CLDN16: variants seen among roughly 807,000 people sequenced by gnomAD.
CLDN16 encodes claudin-16.
In CLDN16, 13 loss-of-function variants were observed where a neutral mutation model predicts 24.6. The observed-to-expected ratio is 0.53, with a 90% CI of 0.34 to 0.84. The LOEUF (loss-of-function observed/expected upper bound fraction) is 0.84. CLDN16 is among the 40% of genes least tolerant of loss of function. CLDN16 has a pLI of 0.01. For missense variants in CLDN16, 298 were observed against 292.7 expected, an observed-to-expected ratio of 1.02 and a Z score of -0.13; for synonymous variants, 116 against 106.7, an observed-to-expected ratio of 1.09 and a Z score of -0.54.
At chr3:190,405,765 C>T (rs1376728812) in intron 3 of CLDN16, among the ~76,000 whole-genome samples, 2 of 152,120 alleles carry the variant, frequency 1.3e-5, no homozygotes, top group Non-Finnish European at 2.9e-5. Flanking sequence ...GTTCTGAGGA[C>T]TGGTCAAGCA....
chr3:190,307,694 A>G, the CLDN16 span: 1 of 152,448 alleles, frequency 6.6e-6, no homozygotes, highest in African/African-American at 2.4e-5. Flanking sequence ...AAAAAATAAA[A>G]TAAGTATATG....
At chr3:190,307,129 T>C in the CLDN16 span, 1 of 152,656 alleles carries the variant, frequency 6.6e-6, no homozygotes, top group Non-Finnish European at 1.5e-5. Flanking sequence ...TATCATTATC[T>C]CAATTTGGCA....
chr3:190,325,194 G>C (rs1168802654), intron 1 of CLDN16, among the ~76,000 whole-genome samples: 1 of 152,110 alleles, frequency 6.6e-6, no homozygotes, highest in Non-Finnish European at 1.5e-5. Flanking sequence ...AGAGAGGTCA[G>C]GCTGCTTATC....
chr3:190,292,836 T>G, the CLDN16 span, among the ~76,000 whole-genome samples: 3 of 152,126 alleles, frequency 2.0e-5, no homozygotes, highest in African/African-American at 4.8e-5. Context: ...TGGACTTCAT[T>G]GTCCACATCA....
chr3:190,402,578 C>T (rs1008684926), intron 2 of CLDN16, 139 bp downstream of exon 2: 2 of 712,418 alleles, frequency 2.8e-6, no homozygotes, highest in Middle Eastern at 2.4e-4. Flanking sequence ...AAATTGAGCT[C>T]ATCTCGGAAA....
At position 190,380,130 on chromosome 3, in the gene CLDN16, T is replaced by TCCTTCCTTCCTTCCTTCCTTCCTTCCTC. The variant is rs1410222628; in HGVS notation, n.306+5539_306+5540insCCTTCCTTCCTTCCTCCCTTCCTTCCTT. ...TGGTGAATCCCATTCCTTCCTTTCT[T>TCCTTCCTTCCTTCCTTCCTTCCTTCCTC]CCTTCCTTCCTTTTCTTCCTTCCCT... On this transcript the variant is annotated intron_variant and non_coding_transcript_variant, in intron 3 of 4. Coordinates refer to the CLDN16 transcript ENST00000468220. 8.6e-4 allele frequency among the ~76,000 whole-genome samples: 38 copies of TCCTTCCTTCCTTCCTTCCTTCCTTCCTC among 43,976 alleles called. 3 individuals are homozygous for TCCTTCCTTCCTTCCTTCCTTCCTTCCTC. The highest frequency in any genetic ancestry group is 9.8e-4 in the Non-Finnish European group (23 of 23,574). 28.8% of individuals were successfully genotyped at this position (43,976 alleles called of 152,430 possible). A position where few individuals can be genotyped will look rare whatever the true frequency, so the allele number is the denominator to read the frequency against.
At chr3:190,388,107 G>C, upstream of CLDN16, 1 of 1,613,428 alleles carries the variant, frequency 6.2e-7, no homozygotes, top group Non-Finnish European at 8.5e-7. Context: ...TTGGAGGCTG[G>C]TTGCTTCGGA....
chr3:190,349,299 A>G (rs1201681238), intron 1 of CLDN16, among the ~76,000 whole-genome samples: 1 of 152,038 alleles, frequency 6.6e-6, no homozygotes, highest in Non-Finnish European at 1.5e-5. Flanking sequence ...ACGTGTGTAG[A>G]GCTTCCCCCT....
intron 1 of CLDN16, among the ~76,000 whole-genome samples, chr3:190,388,717 C>T (rs1194629778): frequency 1.3e-5 from 2 of 152,168 alleles, no homozygotes; most frequent in Admixed American, 1.3e-4. Context: ...ATTAAGTGAT[C>T]TCTGCTACTG....
the CLDN16 span, among the ~76,000 whole-genome samples, chr3:190,292,141 C>T: frequency 8.5e-5 from 13 of 152,322 alleles, no homozygotes; most frequent in African/African-American, 1.2e-4. Flanking sequence ...TCTGCACCAC[C>T]GTAGCAGAGG....
At chr3:190,344,745 A>T (rs1241423212) in intron 1 of CLDN16, among the ~76,000 whole-genome samples, 1 of 152,030 alleles carries the variant, frequency 6.6e-6, no homozygotes, top group Admixed American at 6.6e-5. Context: ...TGATTAGGTT[A>T]TAGAATAAAG....
chr3:190,395,989 C>T (rs539530021), intron 1 of CLDN16, among the ~76,000 whole-genome samples: 1 of 152,106 alleles, frequency 6.6e-6, no homozygotes, highest in South Asian at 2.1e-4. Flanking sequence ...CTCTAATTCT[C>T]AAGTATTTTT....
intron 1 of CLDN16, among the ~76,000 whole-genome samples, chr3:190,328,233 A>T (rs2108621226): frequency 6.6e-6 from 1 of 152,208 alleles, no homozygotes; most frequent in Non-Finnish European, 1.5e-5. Context: ...GTGAGCTGTG[A>T]TCATGACACT....
chr3:190,343,216 A>G (rs1046793178), intron 1 of CLDN16, among the ~76,000 whole-genome samples: 7 of 152,160 alleles, frequency 4.6e-5, no homozygotes, highest in East Asian at 1.9e-4. Flanking sequence ...AGAGCTCAAC[A>G]TTACTAATAA....
chr3:190,402,669 A>T (rs1197329709), intron 2 of CLDN16, among the ~76,000 whole-genome samples: 1 of 152,248 alleles, frequency 6.6e-6, no homozygotes, highest in South Asian at 2.1e-4. Context: ...ATATTATCTT[A>T]TTAATCTCTG....
At chr3:190,389,761 A>C (rs1718602260) in intron 1 of CLDN16, among the ~76,000 whole-genome samples, 1 of 152,166 alleles carries the variant, frequency 6.6e-6, no homozygotes, top group African/African-American at 2.4e-5. Flanking sequence ...TGCAGATAAA[A>C]CGTTCTGCTG....
intron 1 of CLDN16, among the ~76,000 whole-genome samples, chr3:190,396,500 C>T (rs1312079293): frequency 6.6e-6 from 1 of 152,204 alleles, no homozygotes; most frequent in African/African-American, 2.4e-5. Context: ...CTTATCCTCA[C>T]TAAACATTTA....
At chr3:190,322,267 A>C, upstream of CLDN16, 1 of 1,494,968 alleles carries the variant, frequency 6.7e-7, no homozygotes, top group Non-Finnish European at 9.3e-7. Flanking sequence ...GAGAGTTTGC[A>C]GGTGGGCAAC....
intron 1 of CLDN16, chr3:190,370,850 A>G (rs1269011464): frequency 6.6e-6 from 1 of 151,662 alleles, no homozygotes; most frequent in Non-Finnish European, 1.5e-5. Context: ...TGAAAAGGCT[A>G]GACTGACTTA....
Sources: allele counts gnomAD v4.1 joint callset (sites outside exome capture counted in the v4.1 genomes callset), GRCh38; gene constraint gnomAD v4.1.1; transcripts MANE v1.5; gene names NCBI Gene and HGNC (gene_info 2026-07-23, HGNC 2026-07-21).